The following ARB2A variants were observed in gnomAD, a reference collection of about 807,000 sequenced individuals.
ARB2A encodes cotranscriptional regulator ARB2A.
the ARB2A span, among the ~76,000 whole-genome samples, chr5:93,816,891 A>G: frequency 6.6e-6 from 1 of 152,204 alleles, no homozygotes; most frequent in Non-Finnish European, 1.5e-5. Context: ...GATCAGGAAC[A>G]AGACAAGGAT....
At chr5:94,101,069 A>G in the ARB2A span, among the ~76,000 whole-genome samples, 1 of 152,332 alleles carries the variant, frequency 6.6e-6, no homozygotes. Context: ...GATTCAGGAG[A>G]AAGTCCAGCA....
the ARB2A span, among the ~76,000 whole-genome samples, chr5:94,012,014 G>A: frequency 6.7e-6 from 1 of 148,872 alleles, no homozygotes; most frequent in East Asian, 2.0e-4. Context: ...GAAAACCAGA[G>A]ACTAGTGTGA....
the ARB2A span, chr5:93,865,269 G>C: frequency 2.8e-6 from 1 of 354,364 alleles, no homozygotes; most frequent in Non-Finnish European, 3.9e-6. Flanking sequence ...TTTTAATAGA[G>C]ATGGGGTTTC....
At chr5:93,778,877 A>T in the ARB2A span, among the ~76,000 whole-genome samples, 1 of 152,226 alleles carries the variant, frequency 6.6e-6, no homozygotes, top group African/African-American at 2.4e-5. Context: ...TGCTCAGCTC[A>T]CCTTTAACTC....
At chr5:93,701,829 G>A in the ARB2A span, among the ~76,000 whole-genome samples, 8 of 152,094 alleles carry the variant, frequency 5.3e-5, no homozygotes, top group Non-Finnish European at 1.0e-4. Context: ...CTGGCTTAAA[G>A]CATATCACAT....
At chr5:93,869,917 G>A in the ARB2A span, among the ~76,000 whole-genome samples, 13 of 152,176 alleles carry the variant, frequency 8.5e-5, no homozygotes, top group Admixed American at 6.5e-4. Context: ...GGCTCAGCCC[G>A]CCTGCGCCCA....
At chr5:94,014,770 G>A in the ARB2A span, among the ~76,000 whole-genome samples, 2 of 151,212 alleles carry the variant, frequency 1.3e-5, no homozygotes, top group Admixed American at 1.3e-4. Flanking sequence ...CTCATTAGGG[G>A]CTATCAACAG....
chr5:93,796,273 A>T, the ARB2A span, among the ~76,000 whole-genome samples: 1 of 152,156 alleles, frequency 6.6e-6, no homozygotes, highest in Non-Finnish European at 1.5e-5. Flanking sequence ...AATGTTTCTA[A>T]ATTTTTGCCT....
chr5:94,014,404 C>A, the ARB2A span, among the ~76,000 whole-genome samples: 9 of 152,212 alleles, frequency 5.9e-5, no homozygotes, highest in Middle Eastern at 3.4e-3. Flanking sequence ...TATCTCTAAG[C>A]AAATATATCA....
At chr5:93,792,412 A>G in the ARB2A span, among the ~76,000 whole-genome samples, 1 of 152,170 alleles carries the variant, frequency 6.6e-6, no homozygotes, top group African/African-American at 2.4e-5. Flanking sequence ...CCAAAACTTT[A>G]TGAAAAAAAT....
At chr5:93,829,953 G>A in the ARB2A span, among the ~76,000 whole-genome samples, 1 of 152,056 alleles carries the variant, frequency 6.6e-6, no homozygotes, top group South Asian at 2.1e-4. Flanking sequence ...GTTCTTTATA[G>A]TTATTATTTA....
chr5:93,842,576 C>T, the ARB2A span, among the ~76,000 whole-genome samples: 1 of 151,996 alleles, frequency 6.6e-6, no homozygotes, highest in Non-Finnish European at 1.5e-5. Context: ...AAAATGACAA[C>T]ATTTTGGAAG....
the ARB2A span, among the ~76,000 whole-genome samples, chr5:93,825,657 G>A: frequency 6.6e-6 from 1 of 152,050 alleles, no homozygotes; most frequent in South Asian, 2.1e-4. Context: ...CAATAAAAAT[G>A]AAATCCATGC....
At chr5:93,787,428 G>A in the ARB2A span, among the ~76,000 whole-genome samples, 1 of 152,172 alleles carries the variant, frequency 6.6e-6, no homozygotes, top group South Asian at 2.1e-4. Flanking sequence ...TTTTGTCTGT[G>A]TATAATATTT....
At chr5:93,906,994 T>C in the ARB2A span, among the ~76,000 whole-genome samples, 1 of 151,544 alleles carries the variant, frequency 6.6e-6, no homozygotes, top group Admixed American at 6.6e-5. Context: ...GCTTACTCTC[T>C]TGCTGTCTAC....
chr5:93,705,240 G>A, the ARB2A span, among the ~76,000 whole-genome samples: 2 of 152,134 alleles, frequency 1.3e-5, no homozygotes, highest in African/African-American at 2.4e-5. Flanking sequence ...TCAGCTCCAT[G>A]GGGAAAGTTA....
At chr5:93,804,724 T>G in the ARB2A span, 8 of 282,870 alleles carry the variant, frequency 2.8e-5, no homozygotes, top group African/African-American at 1.8e-4. Flanking sequence ...TAGATTTTTT[T>G]TATTCAGAAA....
the ARB2A span, among the ~76,000 whole-genome samples, chr5:93,849,537 ACAAT>A: frequency 8.5e-5 from 13 of 152,130 alleles, no homozygotes; most frequent in Non-Finnish European, 1.9e-4. Context: ...ATAACTCTGT[ACAAT>A]CAGTTACCAA....
chr5:93,673,209 G>C, the ARB2A span, among the ~76,000 whole-genome samples: 3 of 152,278 alleles, frequency 2.0e-5, no homozygotes, highest in Admixed American at 6.5e-5. Context: ...ATTAAAAATA[G>C]AGAGTTTTTA....
Sources: gnomAD v4.1 joint callset for allele counts (sites outside exome capture counted in the v4.1 genomes callset) on GRCh38, gnomAD v4.1.1 for gene constraint, MANE v1.5 for transcripts, NCBI Gene and HGNC (gene_info 2026-07-23, HGNC 2026-07-21) for gene names.